The following PTPRD variants were observed in gnomAD, a reference collection of about 807,000 sequenced individuals.
PTPRD encodes protein tyrosine phosphatase receptor type D.
A neutral mutation model predicts 214.5 loss-of-function variants in PTPRD; 34 were observed. That is an observed-to-expected ratio of 0.16 (90% CI 0.12 to 0.21). The LOEUF (loss-of-function observed/expected upper bound fraction) is 0.21. PTPRD is among the 10% of genes least tolerant of loss of function. PTPRD has a pLI of 1.00. For missense variants in PTPRD, 2,545 were observed against 2,398.7 expected (o/e 1.06, Z -1.27); for synonymous variants, 1,128 against 845.7 (o/e 1.33, Z -5.79).
At chr9:8,734,773 G>A (rs2098699644) in intron 11 of PTPRD, among the ~76,000 whole-genome samples, 1 of 152,186 alleles carries the variant, frequency 6.6e-6, no homozygotes, top group Non-Finnish European at 1.5e-5. Flanking sequence ...AGGTACACCA[G>A]ATGATTAGTA....
rs188164559 is a variant in PTPRD, at chr9:9,869,374, A to G, written c.-368+69133T>C. ...ATGATTATTAATGGATTCCAAAATC[A>G]TCAGGTGAAAGTTGTTGGGACACTT... On this transcript the variant is annotated intron_variant, in intron 5 of 45. Coordinates refer to ENST00000381196, the MANE Select transcript of PTPRD (RefSeq NM_002839.4). 2.0e-3 allele frequency among the ~76,000 whole-genome samples: 307 copies of G among 152,282 alleles called. 2 individuals are homozygous for G. Among genetic ancestry groups the G allele is most frequent in the Middle Eastern group, 6.8e-3 (2 of 294 alleles).
intron 6 of PTPRD, among the ~76,000 whole-genome samples, chr9:9,761,017 A>G (rs907805356): frequency 1.3e-5 from 2 of 152,326 alleles, no homozygotes. Context: ...CTAAACATGT[A>G]ACTGCCATAC....
intron 10 of PTPRD, among the ~76,000 whole-genome samples, chr9:9,135,796 T>C (rs530726570): frequency 1.2e-4 from 19 of 152,140 alleles, no homozygotes; most frequent in African/African-American, 3.9e-4. Context: ...AAAGATAGAA[T>C]AGCAGCTACA....
chr9:10,536,034 T>A (rs1247869650), intron 2 of PTPRD, among the ~76,000 whole-genome samples: 5 of 152,118 alleles, frequency 3.3e-5, no homozygotes, highest in Non-Finnish European at 5.9e-5. Context: ...TTCCAGTGGT[T>A]AGCAAACCTC....
chr9:9,529,197 G>A (rs907183189), intron 8 of PTPRD, among the ~76,000 whole-genome samples: 5 of 150,934 alleles, frequency 3.3e-5, no homozygotes, highest in African/African-American at 7.3e-5. Flanking sequence ...CTCCCAAAGT[G>A]CTGGAATTAC....
chr9:8,685,188 A>C (rs1565264758), intron 12 of PTPRD, among the ~76,000 whole-genome samples: 1 of 152,178 alleles, frequency 6.6e-6, no homozygotes, highest in African/African-American at 2.4e-5. Flanking sequence ...CAAAGGCAAA[A>C]GATGAAAGGA....
At position 9,776,378 on chromosome 9, in the gene PTPRD, C is replaced by T. The variant is rs374162944; in HGVS notation, c.-367-9527G>A. Among the ~76,000 whole-genome samples, 437 of 152,210 alleles carry T rather than the reference C, an allele frequency of 2.9e-3. 2 individuals carry two copies. The highest frequency in any genetic ancestry group is 1.0e-2 in the African/African-American group (414 of 41,520). Reference sequence around the variant, plus strand: ...ATCTCTTGAACTCGTGTGCCATAACCCTTTCCTGCAATTGTTGCTTTACTG... The same window carrying T: ...ATCTCTTGAACTCGTGTGCCATAACTCTTTCCTGCAATTGTTGCTTTACTG... On this transcript the variant is annotated intron_variant, in intron 5 of 45. Transcript: ENST00000381196.
chr9:10,190,572 C>T (rs1452383868), intron 3 of PTPRD, among the ~76,000 whole-genome samples: 5 of 150,846 alleles, frequency 3.3e-5, no homozygotes, highest in Non-Finnish European at 7.4e-5. Flanking sequence ...ACAAAAACTA[C>T]CCATGTGTGA....
chr9:8,518,366 G>A lies in PTPRD; in HGVS notation c.1025C>T (p.Thr342Met), dbSNP rs754478667. Residue 342 changes from threonine to methionine, a missense_variant, in exon 21 of 46, where the codon ACG becomes ATG. By Grantham distance (81) the Thr-to-Met change is moderately conservative. Transcript: ENST00000381196. ...AGGCTCAGGGTTCCCAGAGTCCCAC[G>A]TCAGTGTGATGCTTGTAGCTGTGCT... ...TESTATSITLTWDSGNPEPVS... is the reference protein window; with the variant it reads ...TESTATSITLMWDSGNPEPVS... 5.6e-6 allele frequency: 9 copies of A among 1,613,942 alleles called. No individual in the cohort carries two copies. Among genetic ancestry groups the A allele is most frequent in the Middle Eastern group, 1.6e-4 (1 of 6,080 alleles).
chr9:10,077,936 T>C (rs2098161558), intron 3 of PTPRD, among the ~76,000 whole-genome samples: 1 of 152,076 alleles, frequency 6.6e-6, no homozygotes, highest in Non-Finnish European at 1.5e-5. Flanking sequence ...AGTATTACTA[T>C]ACTCTAAGTA....
chr9:8,551,760 C>T (rs981314013), intron 14 of PTPRD, among the ~76,000 whole-genome samples: 11 of 152,176 alleles, frequency 7.2e-5, no homozygotes, highest in Non-Finnish European at 1.0e-4. Context: ...AGAAAGTCCA[C>T]AAAATGTTGA....
chr9:10,492,805 G>A (rs57257857), intron 2 of PTPRD, among the ~76,000 whole-genome samples: 8,574 of 152,134 alleles, frequency 0.056, 779 homozygotes, highest in African/African-American at 0.19. Flanking sequence ...GTCCTGAGTG[G>A]TATTGCCTAG....
intron 10 of PTPRD, among the ~76,000 whole-genome samples, chr9:9,176,467 T>G (rs1308155923): frequency 6.6e-6 from 1 of 152,172 alleles, no homozygotes; most frequent in African/African-American, 2.4e-5. Flanking sequence ...AATTTCCAAC[T>G]TGATTACTAA....
intron 2 of PTPRD, among the ~76,000 whole-genome samples, chr9:10,445,821 G>A (rs1004900048): frequency 3.3e-5 from 5 of 152,030 alleles, no homozygotes; most frequent in Admixed American, 6.6e-5. Flanking sequence ...AGAAGTGAAA[G>A]CAAGTGAGGT....
intron 9 of PTPRD, among the ~76,000 whole-genome samples, chr9:9,321,163 G>A (rs897041191): frequency 6.6e-6 from 1 of 152,096 alleles, no homozygotes; most frequent in African/African-American, 2.4e-5. Context: ...AATTCAAGCT[G>A]TATTTTGATT....
At chr9:9,394,608 T>G (rs944691228) in intron 9 of PTPRD, among the ~76,000 whole-genome samples, 6 of 152,152 alleles carry the variant, frequency 3.9e-5, no homozygotes, top group African/African-American at 1.4e-4. Context: ...CTTATAAATA[T>G]GAAACTCTGA....
At chr9:9,727,275 C>A (rs1183133774) in intron 7 of PTPRD, among the ~76,000 whole-genome samples, 1 of 151,946 alleles carries the variant, frequency 6.6e-6, no homozygotes, top group Non-Finnish European at 1.5e-5. Context: ...CATACTGAAA[C>A]CCCATTTCTA....
intron 9 of PTPRD, among the ~76,000 whole-genome samples, chr9:9,233,162 C>A (rs572641211): frequency 6.6e-6 from 1 of 152,250 alleles, no homozygotes; most frequent in Non-Finnish European, 1.5e-5. Context: ...AATTGACTCC[C>A]AGTTCCACAA....
intron 7 of PTPRD, among the ~76,000 whole-genome samples, chr9:9,730,143 T>C (rs2098163224): frequency 6.6e-6 from 1 of 152,122 alleles, no homozygotes; most frequent in Non-Finnish European, 1.5e-5. Context: ...TTAAACTCTC[T>C]AGATGGAAAT....
Sources: gnomAD v4.1 joint callset for allele counts (sites outside exome capture counted in the v4.1 genomes callset) on GRCh38, gnomAD v4.1.1 for gene constraint, MANE v1.5 for transcripts, NCBI Gene and HGNC (gene_info 2026-07-23, HGNC 2026-07-21) for gene names.